Variants in PPP6R3 observed in about 807,000 individuals in gnomAD.
The protein encoded by PPP6R3 is serine/threonine-protein phosphatase 6 regulatory subunit 3.
PPP6R3 carries 38 observed loss-of-function variants against 110.7 expected under a neutral mutation model. That is an observed-to-expected ratio of 0.34 (90% CI 0.26 to 0.45). The LOEUF (loss-of-function observed/expected upper bound fraction) is 0.45. Among genes scored for constraint, PPP6R3 ranks in the 20% least tolerant of loss-of-function variants. The probability of loss-of-function intolerance (pLI) is 1.00; values close to 1 mark genes in which losing one functional copy is unlikely to be tolerated. For missense variants in PPP6R3, 870 were observed against 1,062.4 expected (o/e 0.82, Z 2.52); for synonymous variants, 369 against 373.5 (o/e 0.99, Z 0.14).
chr11:68,581,096 TTTG>T (rs2099552719), intron 14 of PPP6R3, among the ~76,000 whole-genome samples: 1 of 152,178 alleles, frequency 6.6e-6, no homozygotes, highest in Admixed American at 6.5e-5. Context: ...TTTAGCTCAT[TTTG>T]TTAATGATTT....
chr11:68,601,106 G>A (rs536193304), intron 20 of PPP6R3, among the ~76,000 whole-genome samples: 2 of 152,168 alleles, frequency 1.3e-5, no homozygotes. Flanking sequence ...ATAGCATTAA[G>A]TTACTACTCA....
intron 1 of PPP6R3, among the ~76,000 whole-genome samples, chr11:68,499,295 T>G (rs2099035755): frequency 2.6e-5 from 4 of 152,138 alleles, no homozygotes; most frequent in African/African-American, 9.7e-5. Flanking sequence ...CCTTCATGGA[T>G]CCGCTGGAGG....
At chr11:68,500,973 A>T (rs187015067) in intron 1 of PPP6R3, among the ~76,000 whole-genome samples, 221 of 152,304 alleles carry the variant, frequency 1.5e-3, no homozygotes, top group African/African-American at 5.1e-3. Flanking sequence ...TTCTGTGTGT[A>T]CGGGAGGCCA....
At chr11:68,543,885 T>C (rs941073283) in intron 3 of PPP6R3, among the ~76,000 whole-genome samples, 2 of 152,194 alleles carry the variant, frequency 1.3e-5, no homozygotes, top group African/African-American at 4.8e-5. Flanking sequence ...GCTGCCTGTT[T>C]GCAGAGGGTC....
chr11:68,523,865 T>G (rs1263221210), intron 2 of PPP6R3, among the ~76,000 whole-genome samples: 1 of 152,078 alleles, frequency 6.6e-6, no homozygotes, highest in African/African-American at 2.4e-5. Flanking sequence ...TGTAGTTTCC[T>G]TTTTTCTCCT....
At chr11:68,595,962 C>G (rs1371745564) in intron 18 of PPP6R3, 135 bp from the exon 19 acceptor site, 1 of 1,121,602 alleles carries the variant, frequency 8.9e-7, no homozygotes, top group Admixed American at 2.4e-5. Context: ...GCATCCTGAC[C>G]ACGTGGTGCT....
rs1565715861 is a variant in PPP6R3, at chr11:68,542,387, C to CTGTTTTTTTTTTTTT, written c.228-2449_228-2435dup. ...GCATCTTTGGGTGCTTGAGAAGCTGCTGTTTTTTTTTTTTTTTTTTTTTTA... is the reference window on the plus strand; with the variant it reads ...GCATCTTTGGGTGCTTGAGAAGCTGCTGTTTTTTTTTTTTTTGTTTTTTTTTTTTTTTTTTTTTTA... On this transcript the variant is annotated intron_variant, in intron 3 of 23. Coordinates refer to ENST00000393800, the MANE Select transcript of PPP6R3 (RefSeq NM_001164161.2). 3.3e-3 allele frequency among the ~76,000 whole-genome samples: 14 copies of CTGTTTTTTTTTTTTT among 4,232 alleles called. 2 individuals carry two copies. Among genetic ancestry groups the CTGTTTTTTTTTTTTT allele is most frequent in the South Asian group, 0.017 (2 of 116 alleles). 2.8% of individuals were successfully genotyped at this position (4,232 alleles called of 152,430 possible).
intron 12 of PPP6R3, 48 bp downstream of exon 12, chr11:68,571,152 G>A (rs1398805667): frequency 6.4e-7 from 1 of 1,566,154 alleles, no homozygotes; most frequent in African/African-American, 1.4e-5. Flanking sequence ...TTGGTAATAT[G>A]AGGAAAATAA....
rs191520831 is a variant in PPP6R3 at position 68,535,877 on chromosome 11, G to A, written c.-6-1782G>A. Among the ~76,000 whole-genome samples the A allele has an allele frequency of 1.5e-4, 23 of 151,956 alleles. No individual in the cohort carries two copies. The East Asian group carries it at 2.1e-3, about 14-fold the overall frequency. ...CTAGCTACTTGGGAGGCTGAGGTAG[G>A]GATTACTTGAACCTGGGAGGCAGAG... On this transcript the variant is annotated intron_variant, in intron 2 of 23. Coordinates refer to ENST00000393800, the MANE Select transcript of PPP6R3 (RefSeq NM_001164161.2).
rs1323772336 is a variant in PPP6R3, at chr11:68,564,407, A to G, written c.950A>G (p.His317Arg). 2 of 1,614,112 alleles carry G rather than the reference A, an allele frequency of 1.2e-6. No homozygotes were observed. The highest frequency in any genetic ancestry group is 1.7e-6 in the Non-Finnish European group (2 of 1,179,950). Residue 317 changes from histidine (H) to arginine (R), a missense_variant, in exon 9 of 24, where the codon CAT becomes CGT. By Grantham distance (29) the His-to-Arg change is conservative. Coordinates refer to ENST00000393800, the MANE Select transcript of PPP6R3 (RefSeq NM_001164161.2). The stretch of plus-strand genomic sequence containing the variant: ...ATCAGAGGAAGACTTGGATCTTTTC[A>G]TGAACTCCTGCTGGAGCCACCCAAG... ...EAIRGRLGSF[H>R]ELLLEPPKKS...
At chr11:68,585,125 T>C (rs564470704) in intron 15 of PPP6R3, among the ~76,000 whole-genome samples, 1 of 152,204 alleles carries the variant, frequency 6.6e-6, no homozygotes, top group Admixed American at 6.5e-5. Flanking sequence ...CAGTGGGGAG[T>C]GCCTCCAGGC....
At chr11:68,594,261 A>AGG (rs199586528) in intron 18 of PPP6R3, among the ~76,000 whole-genome samples, 9 of 113,390 alleles carry the variant, frequency 7.9e-5, no homozygotes, top group East Asian at 5.6e-4. Context: ...CTCTTAAAAA[A>AGG]GGGGGAGAGA....
chr11:68,561,179 G>A (rs754386348), intron 8 of PPP6R3, among the ~76,000 whole-genome samples: 2 of 152,080 alleles, frequency 1.3e-5, no homozygotes, highest in East Asian at 1.9e-4. Context: ...GAGCCACCAC[G>A]CCCGGCCACT....
intron 1 of PPP6R3, among the ~76,000 whole-genome samples, chr11:68,469,992 T>C (rs1171613593): frequency 6.6e-6 from 1 of 152,110 alleles, no homozygotes. Context: ...TGGAGTCACT[T>C]TGTTCTTTTT....
chr11:68,492,536 C>T (rs937700125), intron 1 of PPP6R3, among the ~76,000 whole-genome samples: 12 of 152,194 alleles, frequency 7.9e-5, no homozygotes, highest in Non-Finnish European at 1.8e-4. Flanking sequence ...ACTACAGTGC[C>T]TCTGCCTTTT....
Position 68,613,748 on chromosome 11 carries a change from A to T in PPP6R3, c.*631A>T. ...CAAAAATGTAAGTCTATTGGTAGAG[A>T]TTAAGTAAAGTATTTATTGCTACAT... On this transcript the variant is annotated 3_prime_UTR_variant, in exon 24 of 24. Coordinates refer to ENST00000393800, the MANE Select transcript of PPP6R3 (RefSeq NM_001164161.2). 1 of 952,952 alleles carries T rather than the reference A, an allele frequency of 1.0e-6. No homozygotes were observed. The highest frequency in any genetic ancestry group is 1.2e-6 in the Non-Finnish European group (1 of 812,372). 59.0% of individuals were successfully genotyped at this position (952,952 alleles called of 1,614,324 possible).
At chr11:68,572,238 C>A (rs982778463) in intron 12 of PPP6R3, among the ~76,000 whole-genome samples, 2 of 152,128 alleles carry the variant, frequency 1.3e-5, no homozygotes, top group African/African-American at 4.8e-5. Context: ...CCTTCCCAAC[C>A]TCCAGTCTTC....
intron 8 of PPP6R3, among the ~76,000 whole-genome samples, chr11:68,559,186 T>C (rs2099409970): frequency 6.6e-6 from 1 of 152,380 alleles, no homozygotes; most frequent in South Asian, 2.1e-4. Context: ...TTAAAATGCA[T>C]GGGCAGGTGG....
At chr11:68,508,206 G>A (rs895991361) in intron 1 of PPP6R3, among the ~76,000 whole-genome samples, 1 of 133,106 alleles carries the variant, frequency 7.5e-6, no homozygotes, top group African/African-American at 2.9e-5. Flanking sequence ...TTGGCTCACT[G>A]CAGCCTCTGC....
Sources: allele counts gnomAD v4.1 joint callset (sites outside exome capture counted in the v4.1 genomes callset), GRCh38; gene constraint gnomAD v4.1.1; transcripts MANE v1.5; gene names NCBI Gene and HGNC (gene_info 2026-07-23, HGNC 2026-07-21).